UPP2: variants seen among roughly 807,000 people sequenced by gnomAD.
The protein encoded by UPP2 is uridine phosphorylase 2.
In UPP2, 23 loss-of-function variants were observed where a neutral mutation model predicts 26.7. The observed-to-expected ratio is 0.86, with a 90% CI of 0.62 to 1.22. UPP2 has a LOEUF of 1.22. Among genes scored for constraint, UPP2 ranks in the 50% most tolerant of loss-of-function variants. The pLI is 0.00. For missense variants in UPP2, 387 were observed against 396.7 expected (o/e 0.98, Z 0.21); for synonymous variants, 127 against 141.3 (o/e 0.90, Z 0.72).
intron 6 of UPP2, among the ~76,000 whole-genome samples, chr2:158,134,297 T>C (rs1410835665): frequency 6.6e-6 from 1 of 152,234 alleles, no homozygotes. Flanking sequence ...AGGGCTGCAA[T>C]GCAGCAGGCA....
intron 2 of UPP2, among the ~76,000 whole-genome samples, chr2:158,000,984 T>C (rs1334891564): frequency 1.3e-5 from 2 of 152,242 alleles, no homozygotes; most frequent in African/African-American, 4.8e-5. Context: ...CTGAGCATAG[T>C]ACCTCCAGTT....
intron 3 of UPP2, among the ~76,000 whole-genome samples, chr2:158,096,324 T>C (rs1325133027): frequency 6.6e-6 from 1 of 152,080 alleles, no homozygotes; most frequent in East Asian, 1.9e-4. Context: ...GTGGGCCAGG[T>C]GTGGTGGCTC....
upstream of UPP2, among the ~76,000 whole-genome samples, chr2:158,098,932 C>T (rs1010989601): frequency 1.3e-4 from 20 of 152,166 alleles, no homozygotes; most frequent in African/African-American, 4.6e-4. Context: ...AAATTGTACA[C>T]TCTTAATAGC....
chr2:158,095,168 C>A (rs908827919), intron 3 of UPP2, among the ~76,000 whole-genome samples: 1 of 152,084 alleles, frequency 6.6e-6, no homozygotes, highest in Non-Finnish European at 1.5e-5. Context: ...AAGTGATGAG[C>A]CTGAGATGAG....
intron 3 of UPP2, among the ~76,000 whole-genome samples, chr2:158,070,792 A>AAT (rs1194784741): frequency 6.6e-6 from 1 of 152,232 alleles, no homozygotes; most frequent in East Asian, 1.9e-4. Context: ...CACAGTCTTG[A>AAT]ATCACTGATG....
At chr2:158,061,129 C>T (rs1443157117) in intron 3 of UPP2, among the ~76,000 whole-genome samples, 1 of 152,208 alleles carries the variant, frequency 6.6e-6, no homozygotes, top group African/African-American at 2.4e-5. Flanking sequence ...ATTATAGCAA[C>T]GGGCCACAAC....
chr2:158,084,627 G>A (rs1382616821), intron 3 of UPP2, among the ~76,000 whole-genome samples: 1 of 152,138 alleles, frequency 6.6e-6, no homozygotes, highest in African/African-American at 2.4e-5. Flanking sequence ...ACAGTTTCAG[G>A]TTTCAGATTT....
chr2:158,015,046 T>A (rs1282546803), intron 2 of UPP2, among the ~76,000 whole-genome samples: 1 of 152,246 alleles, frequency 6.6e-6, no homozygotes, highest in African/African-American at 2.4e-5. Flanking sequence ...ATCTTCATTA[T>A]GATCATTAGA....
chr2:158,074,549 G>A (rs933141610), intron 3 of UPP2, among the ~76,000 whole-genome samples: 1 of 151,846 alleles, frequency 6.6e-6, no homozygotes, highest in African/African-American at 2.4e-5. Context: ...GTATTTACAG[G>A]CTTCATGATA....
intron 3 of UPP2, among the ~76,000 whole-genome samples, chr2:158,061,042 ACTTAG>A (rs1261408894): frequency 2.6e-5 from 4 of 152,352 alleles, no homozygotes; most frequent in Non-Finnish European, 5.9e-5. Flanking sequence ...ACTGGTAGAA[ACTTAG>A]CTAATTCAGT....
At chr2:158,063,680 G>A (rs573105062) in intron 3 of UPP2, among the ~76,000 whole-genome samples, 1 of 152,146 alleles carries the variant, frequency 6.6e-6, no homozygotes, top group South Asian at 2.1e-4. Context: ...CATGTGCTAT[G>A]GTGGTTTGCT....
chr2:158,093,112 G>C (rs1404687022), intron 3 of UPP2, among the ~76,000 whole-genome samples: 1 of 151,992 alleles, frequency 6.6e-6, no homozygotes, highest in Admixed American at 6.6e-5. Flanking sequence ...GTAGAAATGG[G>C]GTTTCACCAC....
intron 3 of UPP2, among the ~76,000 whole-genome samples, chr2:158,058,064 C>T (rs573909161): frequency 6.6e-5 from 10 of 152,134 alleles, no homozygotes; most frequent in African/African-American, 1.4e-4. Flanking sequence ...GAGGCCAAGG[C>T]GGGCGGATCA....
chr2:158,072,441 TTCCCATC>T (rs1165584579), intron 3 of UPP2, among the ~76,000 whole-genome samples: 3 of 152,164 alleles, frequency 2.0e-5, no homozygotes, highest in Non-Finnish European at 4.4e-5. Context: ...CCTGACTATC[TTCCCATC>T]TGCAGACTGT....
chr2:158,001,920 C>G (rs999867782), intron 2 of UPP2, among the ~76,000 whole-genome samples: 1 of 127,274 alleles, frequency 7.9e-6, no homozygotes. Flanking sequence ...TTCCTTGAAG[C>G]GGACAGCTTT....
chr2:158,037,556 G>A (rs1423364867), intron 3 of UPP2, among the ~76,000 whole-genome samples: 1 of 152,090 alleles, frequency 6.6e-6, no homozygotes, highest in Non-Finnish European at 1.5e-5. Flanking sequence ...GCCTCCGAGG[G>A]AGAGTCTGTT....
chr2:158,078,023 A>G (rs1464554140), intron 3 of UPP2, among the ~76,000 whole-genome samples: 1 of 152,188 alleles, frequency 6.6e-6, no homozygotes, highest in Non-Finnish European at 1.5e-5. Flanking sequence ...AAACAGGCAT[A>G]TGAAAAAATG....
At chr2:158,117,742 A>T in intron 3 of UPP2, 82 bp from the exon 4 acceptor site, 1 of 1,092,624 alleles carries the variant, frequency 9.2e-7, no homozygotes, top group Non-Finnish European at 1.4e-6. Flanking sequence ...GAGGCCTGTT[A>T]ACTTGTAATG....
chr2:158,099,849 G>T (rs1388383266), upstream of UPP2, among the ~76,000 whole-genome samples: 2 of 152,206 alleles, frequency 1.3e-5, no homozygotes, highest in East Asian at 1.9e-4. Flanking sequence ...AAGACACCAT[G>T]GAGCATGGAT....
Sources: allele counts gnomAD v4.1 joint callset (sites outside exome capture counted in the v4.1 genomes callset), GRCh38; gene constraint gnomAD v4.1.1; transcripts MANE v1.5; gene names NCBI Gene and HGNC (gene_info 2026-07-23, HGNC 2026-07-21).